The following CFAP299 variants were observed in gnomAD, a reference collection of about 807,000 sequenced individuals.
CFAP299 encodes the protein cilia- and flagella-associated protein 299.
CFAP299 carries 21 observed loss-of-function variants against 27.0 expected under a neutral mutation model. The ratio of observed to expected loss-of-function variants is 0.78; its 90% CI spans 0.55 to 1.12. The LOEUF (loss-of-function observed/expected upper bound fraction) is 1.12, where lower values mean the gene tolerates loss of function less well. Among genes scored for constraint, CFAP299 ranks in the 50% most tolerant of loss-of-function variants. CFAP299 has a pLI of 0.00. For missense variants in CFAP299, 310 were observed against 276.6 expected, an observed-to-expected ratio of 1.12 and a Z score of -0.86; for synonymous variants, 104 against 98.1, an observed-to-expected ratio of 1.06 and a Z score of -0.36.
chr4:80,597,687 A>G (rs552439285), intron 3 of CFAP299, among the ~76,000 whole-genome samples: 1 of 151,916 alleles, frequency 6.6e-6, no homozygotes, highest in East Asian at 1.9e-4. Flanking sequence ...TATTTTACCT[A>G]CAATTACTTT....
chr4:80,632,709 C>G (rs923114962), intron 3 of CFAP299, among the ~76,000 whole-genome samples: 12 of 145,758 alleles, frequency 8.2e-5, no homozygotes, highest in Admixed American at 7.4e-4. Flanking sequence ...TGCCTATTTT[C>G]AAGCTTTTTT....
intron 2 of CFAP299, among the ~76,000 whole-genome samples, chr4:80,439,265 C>T (rs1728233282): frequency 6.6e-6 from 1 of 152,102 alleles, no homozygotes; most frequent in Non-Finnish European, 1.5e-5. Flanking sequence ...GCAAGATGGC[C>T]AAATAGGAAC....
intron 2 of CFAP299, among the ~76,000 whole-genome samples, chr4:80,418,059 C>A (rs1045820363): frequency 2.6e-5 from 4 of 152,130 alleles, no homozygotes; most frequent in Admixed American, 2.6e-4. Context: ...TTTGTTATAG[C>A]AGCATAAGTG....
At chr4:80,459,292 G>C (rs1729323442) in intron 2 of CFAP299, among the ~76,000 whole-genome samples, 1 of 152,160 alleles carries the variant, frequency 6.6e-6, no homozygotes, top group African/African-American at 2.4e-5. Context: ...ATCCAGCCAG[G>C]CTTCTTATGA....
chr4:80,910,025 A>G (rs1735388186), intron 4 of CFAP299, among the ~76,000 whole-genome samples: 1 of 152,188 alleles, frequency 6.6e-6, no homozygotes, highest in Admixed American at 6.5e-5. Flanking sequence ...TTCAATATGC[A>G]AGGAAAAGGT....
intron 2 of CFAP299, among the ~76,000 whole-genome samples, chr4:80,559,683 G>A (rs1464160287): frequency 6.6e-6 from 1 of 152,164 alleles, no homozygotes; most frequent in Non-Finnish European, 1.5e-5. Context: ...AGAGAACACT[G>A]CAATTGTGAG....
At chr4:80,659,031 C>G (rs965556748) in intron 3 of CFAP299, among the ~76,000 whole-genome samples, 4 of 152,080 alleles carry the variant, frequency 2.6e-5, no homozygotes, top group African/African-American at 9.7e-5. Flanking sequence ...TAAAGATATA[C>G]AGACTTTATG....
intron 4 of CFAP299, among the ~76,000 whole-genome samples, chr4:80,886,216 G>T (rs1334356960): frequency 6.6e-6 from 1 of 152,156 alleles, no homozygotes; most frequent in East Asian, 1.9e-4. Flanking sequence ...AATTGCTAAG[G>T]TTTTTACTCC....
At chr4:80,775,019 A>G (rs1036030545) in intron 3 of CFAP299, among the ~76,000 whole-genome samples, 1 of 151,904 alleles carries the variant, frequency 6.6e-6, no homozygotes, top group Non-Finnish European at 1.5e-5. Context: ...ACTAACCTGC[A>G]CAATGTGCAC....
intron 2 of CFAP299, among the ~76,000 whole-genome samples, chr4:80,415,619 A>G (rs1726961419): frequency 6.6e-6 from 1 of 152,164 alleles, no homozygotes; most frequent in South Asian, 2.1e-4. Flanking sequence ...AAGTTAATGT[A>G]TATATTTATG....
Position 80,812,582 on chromosome 4 carries a change from G to A in CFAP299, c.334-57411G>A, listed in dbSNP as rs1033493263. Among the ~76,000 whole-genome samples the A allele has an allele frequency of 2.6e-5, 4 of 152,094 alleles. No individual in the cohort carries two copies. In the South Asian group the frequency reaches 8.3e-4, roughly 32 times the overall value. On this transcript the variant is annotated intron_variant, in intron 3 of 5. Coordinates refer to ENST00000358105, the MANE Select transcript of CFAP299 (RefSeq NM_152770.3). ...CTTACCATCTCCAAGATACTACATAGGGCTTGAAAACCTTTTAAGCTTTAT... is the reference window on the plus strand; with the variant it reads ...CTTACCATCTCCAAGATACTACATAAGGCTTGAAAACCTTTTAAGCTTTAT...
chr4:80,744,648 A>G (rs1487895103), intron 3 of CFAP299, among the ~76,000 whole-genome samples: 3 of 151,964 alleles, frequency 2.0e-5, no homozygotes, highest in African/African-American at 7.2e-5. Context: ...CCCAGCGTAC[A>G]AATTATTATT....
chr4:80,386,374 C>A, intron 2 of CFAP299: 1 of 1,506,500 alleles, frequency 6.6e-7, no homozygotes, highest in South Asian at 1.2e-5. Context: ...GGCGGCTTGC[C>A]CGGGACGGCC....
chr4:80,728,190 A>G (rs1166488044), intron 3 of CFAP299, among the ~76,000 whole-genome samples: 2 of 152,094 alleles, frequency 1.3e-5, no homozygotes, highest in East Asian at 3.8e-4. Flanking sequence ...TTGTTGCACA[A>G]TATCCTTTTT....
chr4:80,387,388 G>C (rs893556743), intron 2 of CFAP299: 4 of 1,146,556 alleles, frequency 3.5e-6, no homozygotes, highest in African/African-American at 3.0e-5. Context: ...ACTTGAGCTG[G>C]AAATAGGTGC....
At chr4:80,860,670 C>G (rs987128702) in intron 3 of CFAP299, among the ~76,000 whole-genome samples, 1 of 152,196 alleles carries the variant, frequency 6.6e-6, no homozygotes, top group Non-Finnish European at 1.5e-5. Flanking sequence ...TGCTAGAGGT[C>G]CACTCCAGAC....
At chr4:80,573,842 T>C (rs983373069) in intron 2 of CFAP299, among the ~76,000 whole-genome samples, 1 of 152,198 alleles carries the variant, frequency 6.6e-6, no homozygotes, top group East Asian at 1.9e-4. Flanking sequence ...GCCAGTACCA[T>C]GCTGTTTCAG....
At chr4:80,517,854 A>G (rs1732662394) in intron 2 of CFAP299, among the ~76,000 whole-genome samples, 1 of 152,176 alleles carries the variant, frequency 6.6e-6, no homozygotes, top group South Asian at 2.1e-4. Context: ...TGATTGATGA[A>G]CTGCACTATG....
At chr4:80,641,910 G>T (rs951779402) in intron 3 of CFAP299, among the ~76,000 whole-genome samples, 10 of 152,208 alleles carry the variant, frequency 6.6e-5, no homozygotes, top group Non-Finnish European at 2.9e-5. Flanking sequence ...TAATGAATGG[G>T]TCATTCTGGG....
Sources: gnomAD v4.1 joint callset for allele counts (sites outside exome capture counted in the v4.1 genomes callset) on GRCh38, gnomAD v4.1.1 for gene constraint, MANE v1.5 for transcripts, NCBI Gene and HGNC (gene_info 2026-07-23, HGNC 2026-07-21) for gene names.